AP2B1: variants seen among roughly 807,000 people sequenced by gnomAD.
The protein encoded by AP2B1 is adaptor related protein complex 2 subunit beta 1, also known as AP-2 complex subunit beta.
AP2B1 carries 23 observed loss-of-function variants against 102.0 expected under a neutral mutation model. The observed-to-expected ratio is 0.23, with a 90% CI of 0.16 to 0.32. AP2B1 has a LOEUF of 0.32. AP2B1 is among the 10% of genes least tolerant of loss of function. The pLI, the probability that AP2B1 is intolerant of heterozygous loss-of-function variation, is 1.00. For synonymous variants in AP2B1, 381 were observed against 421.2 expected, an observed-to-expected ratio of 0.90 and a Z score of 1.17; for missense variants, 541 against 1,157.4, an observed-to-expected ratio of 0.47 and a Z score of 7.73.
chr17:35,675,301 G>A (rs903944776), intron 17 of AP2B1, among the ~76,000 whole-genome samples: 1 of 152,224 alleles, frequency 6.6e-6, no homozygotes, highest in Non-Finnish European at 1.5e-5. Flanking sequence ...ATAAAAAGTA[G>A]TAATTGGACC....
chr17:35,706,361 G>A (rs587685440), intron 18 of AP2B1, among the ~76,000 whole-genome samples: 25 of 152,266 alleles, frequency 1.6e-4, no homozygotes, highest in African/African-American at 5.8e-4. Context: ...AGATAACAAT[G>A]TTCTAAATTA....
Position 35,610,200 on chromosome 17 carries a change from A to G in AP2B1, c.525+1813A>G, listed in dbSNP as rs192577185. Reference sequence around the variant, plus strand: ...CACTCTGTCGCCCAGTCTGGAGTGCAGTGGCATGATCTCGGCTCACTGGAA... The same window carrying G: ...CACTCTGTCGCCCAGTCTGGAGTGCGGTGGCATGATCTCGGCTCACTGGAA... On this transcript the variant is annotated intron_variant, in intron 5 of 21. Transcript: ENST00000610402. Among the ~76,000 whole-genome samples the G allele has an allele frequency of 2.2e-3, 331 of 151,610 alleles. 1 individual carries two copies. Among genetic ancestry groups the G allele is most frequent in the Non-Finnish European group, 3.5e-3 (240 of 67,964 alleles).
intron 18 of AP2B1, among the ~76,000 whole-genome samples, chr17:35,699,859 G>C (rs2076209809): frequency 6.6e-6 from 1 of 152,110 alleles, no homozygotes. Flanking sequence ...TGGGGTCCAG[G>C]AGTTTGAGAC....
At chr17:35,656,194 C>T (rs1243046755) in intron 13 of AP2B1, among the ~76,000 whole-genome samples, 1 of 152,144 alleles carries the variant, frequency 6.6e-6, no homozygotes, top group Non-Finnish European at 1.5e-5. Context: ...AGATGCTACT[C>T]TAGGTTTTCA....
chr17:35,721,129 A>C (rs1184972554), intron 21 of AP2B1, among the ~76,000 whole-genome samples: 2 of 151,768 alleles, frequency 1.3e-5, no homozygotes, highest in African/African-American at 4.8e-5. Flanking sequence ...TTAATAAAAC[A>C]CTTCTCCCCA....
At chr17:35,641,570 A>G (rs924724850) in intron 11 of AP2B1, among the ~76,000 whole-genome samples, 1 of 152,202 alleles carries the variant, frequency 6.6e-6, no homozygotes. Context: ...TTGTCTCAAA[A>G]TAATAATAGT....
intron 9 of AP2B1, among the ~76,000 whole-genome samples, chr17:35,635,836 A>C (rs12950534): frequency 0.01 from 1,580 of 152,146 alleles, 26 homozygotes; most frequent in African/African-American, 0.036. Context: ...AGCTCGGATT[A>C]CAGGCATGCA....
At chr17:35,662,527 G>T (rs1268536796) in intron 14 of AP2B1, among the ~76,000 whole-genome samples, 2 of 120,736 alleles carry the variant, frequency 1.7e-5, no homozygotes, top group Non-Finnish European at 3.4e-5. Context: ...TTTGGGTTTG[G>T]GTTTGTTTTT....
At chr17:35,698,225 A>AT (rs2076177507) in intron 18 of AP2B1, among the ~76,000 whole-genome samples, 1 of 152,052 alleles carries the variant, frequency 6.6e-6, no homozygotes, top group East Asian at 1.9e-4. Context: ...TTGGAAATGA[A>AT]TTTTTTTCAC....
intron 18 of AP2B1, among the ~76,000 whole-genome samples, chr17:35,684,176 C>G (rs2075882710): frequency 6.6e-6 from 1 of 152,056 alleles, no homozygotes; most frequent in Non-Finnish European, 1.5e-5. Context: ...AAAGTGAGCT[C>G]ACAATTTAAC....
chr17:35,706,025 A>G (rs79929911), intron 18 of AP2B1, among the ~76,000 whole-genome samples: 1,530 of 152,312 alleles, frequency 0.01, 20 homozygotes, highest in African/African-American at 0.035. Flanking sequence ...CTGGCTCCCA[A>G]GTCCATGCTG....
At chr17:35,663,719 G>A (rs1395692607) in intron 14 of AP2B1, among the ~76,000 whole-genome samples, 2 of 152,180 alleles carry the variant, frequency 1.3e-5, no homozygotes, top group Non-Finnish European at 2.9e-5. Flanking sequence ...CACTTAGAAT[G>A]TAAAATTGCA....
intron 18 of AP2B1, among the ~76,000 whole-genome samples, chr17:35,707,697 C>T (rs587639234): frequency 6.6e-6 from 1 of 152,190 alleles, no homozygotes; most frequent in Non-Finnish European, 1.5e-5. Context: ...AAGTGGTCTG[C>T]CTGCCTCATC....
At chr17:35,633,150 C>G (rs1326573021) in intron 9 of AP2B1, among the ~76,000 whole-genome samples, 1 of 151,982 alleles carries the variant, frequency 6.6e-6, no homozygotes, top group East Asian at 1.9e-4. Context: ...ATCATGAGGT[C>G]AGGAGATCGA....
rs368851575 is a variant in AP2B1 at position 35,600,393 on chromosome 17, T to G, written c.143+2058T>G. 1.7e-4 allele frequency among the ~76,000 whole-genome samples: 26 copies of G among 152,240 alleles called. No homozygotes were observed. The East Asian group carries it at 3.3e-3, about 19-fold the overall frequency. On this transcript the variant is annotated intron_variant, in intron 3 of 21. Transcript: ENST00000610402. ...GCCACTGTTCCCGGGCTGTCTAGTT[T>G]TAGTGTAACATCAAGAATTTCTAGT...
intron 18 of AP2B1, among the ~76,000 whole-genome samples, chr17:35,690,058 A>G (rs924969698): frequency 5.3e-5 from 8 of 152,142 alleles, no homozygotes; most frequent in African/African-American, 1.9e-4. Flanking sequence ...CTCTCCTTCT[A>G]GAACTCCAGT....
At chr17:35,654,360 G>A (rs1022391849) in intron 13 of AP2B1, among the ~76,000 whole-genome samples, 4 of 151,676 alleles carry the variant, frequency 2.6e-5, no homozygotes, top group South Asian at 2.1e-4. Context: ...CTCTGTGCCC[G>A]CCTGTTTTTT....
intron 18 of AP2B1, among the ~76,000 whole-genome samples, chr17:35,685,514 G>A: frequency 6.6e-6 from 1 of 151,994 alleles, no homozygotes; most frequent in East Asian, 1.9e-4. Context: ...TATTTTTCTA[G>A]TACTACAGAC....
chr17:35,633,490 G>A (rs76493018), intron 9 of AP2B1, among the ~76,000 whole-genome samples: 4,086 of 152,054 alleles, frequency 0.027, 76 homozygotes, highest in Middle Eastern at 0.054. Flanking sequence ...GATTGTTATA[G>A]TACTTCTAAA....
Sources: gnomAD v4.1 joint callset for allele counts (sites outside exome capture counted in the v4.1 genomes callset) on GRCh38, gnomAD v4.1.1 for gene constraint, MANE v1.5 for transcripts, NCBI Gene and HGNC (gene_info 2026-07-23, HGNC 2026-07-21) for gene names.